The following TMEM236 variants were observed in gnomAD, a reference collection of about 807,000 sequenced individuals.
The protein encoded by TMEM236 is family with sequence similarity 23, member A.
TMEM236 carries 11 observed loss-of-function variants against 14.7 expected under a neutral mutation model. That is an observed-to-expected ratio of 0.75 (90% CI 0.47 to 1.24). The LOEUF (loss-of-function observed/expected upper bound fraction) is 1.24, where lower values mean the gene tolerates loss of function less well. Ranked by LOEUF, TMEM236 falls within the 50% of genes most tolerant of loss-of-function variation. TMEM236 has a pLI of 0.00. For missense variants in TMEM236, 464 were observed against 427.3 expected (o/e 1.09, Z -0.76); for synonymous variants, 182 against 168.6 (o/e 1.08, Z -0.62).
intron 3 of TMEM236, among the ~76,000 whole-genome samples, chr10:17,781,144 C>G (rs1837740748): frequency 6.6e-6 from 1 of 152,188 alleles, no homozygotes; most frequent in Non-Finnish European, 1.5e-5. Context: ...CCAGCATTCA[C>G]CTGTACACGC....
chr10:17,776,812 C>T (rs1458866038), intron 3 of TMEM236, among the ~76,000 whole-genome samples: 2 of 152,182 alleles, frequency 1.3e-5, no homozygotes, highest in Non-Finnish European at 2.9e-5. Context: ...AGATGTGTCA[C>T]ATCTCCTCCA....
intron 3 of TMEM236, among the ~76,000 whole-genome samples, chr10:17,787,106 C>A (rs897331928): frequency 6.6e-6 from 1 of 152,182 alleles, no homozygotes; most frequent in Admixed American, 6.5e-5. Context: ...AGCATGAAAA[C>A]GGACTAATAC....
At chr10:17,785,288 A>G (rs1373469481) in intron 3 of TMEM236, among the ~76,000 whole-genome samples, 1 of 152,170 alleles carries the variant, frequency 6.6e-6, no homozygotes, top group Non-Finnish European at 1.5e-5. Context: ...AGCTCTACCT[A>G]GCGATCAACA....
Position 17,796,000 on chromosome 10 carries a change from A to G in TMEM236, c.552A>G (p.Glu184=). 1 of 1,613,946 alleles carries G rather than the reference A, an allele frequency of 6.2e-7. No individual in the cohort carries two copies. The highest frequency in any genetic ancestry group is 1.7e-5 in the Admixed American group (1 of 60,008). The stretch of plus-strand genomic sequence containing the variant: ...CGGAGCAAGTGAGGCAAAGTCCAGA[A>G]AACGCTGCATCTCCCCAGGCAACCA... ...TVTEQVRQSP[E]NAASPQATNS... is the part of the protein sequence containing the mutation. Residue 184 remains glutamate (E), a synonymous_variant, in exon 4 of 4, where the codon GAA becomes GAG. Transcript: ENST00000377495.
chr10:17,774,179 G>T (rs907644779), intron 2 of TMEM236, among the ~76,000 whole-genome samples: 1 of 151,968 alleles, frequency 6.6e-6, no homozygotes, highest in African/African-American at 2.4e-5. Context: ...TAAGTAGCTG[G>T]GACGACAGGC....
At chr10:17,759,122 GC>G (rs1337555217) in intron 1 of TMEM236, among the ~76,000 whole-genome samples, 1 of 152,166 alleles carries the variant, frequency 6.6e-6, no homozygotes, top group African/African-American at 2.4e-5. Flanking sequence ...AGGGATGCCT[GC>G]CAGAATTCAT....
intron 1 of TMEM236, among the ~76,000 whole-genome samples, chr10:17,764,134 T>G (rs2131744105): frequency 6.6e-6 from 1 of 152,284 alleles, no homozygotes; most frequent in Non-Finnish European, 1.5e-5. Context: ...GTAAAAAGTT[T>G]TATGTTTCTG....
chr10:17,759,662 G>C (rs1377595202), intron 1 of TMEM236, among the ~76,000 whole-genome samples: 1 of 152,028 alleles, frequency 6.6e-6, no homozygotes. Context: ...TAGTTGATTT[G>C]CGAATCTTGA....
At chr10:17,765,052 C>T (rs1044256799) in intron 1 of TMEM236, among the ~76,000 whole-genome samples, 8 of 151,918 alleles carry the variant, frequency 5.3e-5, no homozygotes, top group African/African-American at 1.9e-4. Flanking sequence ...GATCTCTGGA[C>T]CTTGTGATCT....
At chr10:17,782,054 C>T (rs1393491876) in intron 3 of TMEM236, among the ~76,000 whole-genome samples, 1 of 152,088 alleles carries the variant, frequency 6.6e-6, no homozygotes, top group Non-Finnish European at 1.5e-5. Flanking sequence ...CATGACTGCA[C>T]CACCTAGAGG....
intron 2 of TMEM236, among the ~76,000 whole-genome samples, chr10:17,773,744 T>C (rs1554835017): frequency 2.0e-5 from 3 of 152,230 alleles, no homozygotes; most frequent in Non-Finnish European, 4.4e-5. Context: ...CATCTTTTCA[T>C]CTTGCCCATT....
chr10:17,770,271 G>A (rs1447888396), intron 1 of TMEM236, among the ~76,000 whole-genome samples: 8 of 152,244 alleles, frequency 5.3e-5, no homozygotes, highest in Admixed American at 5.2e-4. Context: ...ATATATTAAC[G>A]AATCAAAGAG....
rs964054997 is a variant in TMEM236, at chr10:17,798,962, T to C, written c.*2458T>C. On this transcript the variant is annotated 3_prime_UTR_variant, in exon 4 of 4. Coordinates refer to ENST00000377495, the MANE Select transcript of TMEM236 (RefSeq NM_001098844.3). ...CCTGCTCACCCTCTGGGAATAATCA[T>C]TTCAACTTTGCATTTGTGAAAAATA... 87 of 314,954 alleles carry C rather than the reference T, an allele frequency of 2.8e-4. 2 individuals are homozygous for C. The highest frequency in any genetic ancestry group is 2.2e-3 in the Middle Eastern group (2 of 906). The allele number at this position is 314,954 out of a possible 1,614,324, so 19.5% of individuals were successfully genotyped here.
At position 17,752,551 on chromosome 10, in the gene TMEM236, T is replaced by C; in HGVS notation, c.256T>C (p.Trp86Arg). The stretch of plus-strand genomic sequence containing the variant: ...TTATATTTACAGAAAAATTAAAGGA[T>C]GGTAAGTAAAAGAATTTTCTTTTTT... ...KRYIYRKIKG[W>R]RPVLMMCVVL... Residue 86 changes from tryptophan (W) to arginine (R), a missense_variant and splice_region_variant, in exon 1 of 4, where the codon TGG (tryptophan) becomes CGG (arginine). Trp to Arg is a moderately radical substitution (Grantham distance 101). Coordinates refer to ENST00000377495, the MANE Select transcript of TMEM236 (RefSeq NM_001098844.3). 6.2e-7 allele frequency: 1 copy of C among 1,613,508 alleles called. No homozygotes were observed. The highest frequency in any genetic ancestry group is 8.5e-7 in the Non-Finnish European group (1 of 1,179,504).
chr10:17,798,892 C>G lies in TMEM236; in HGVS notation c.*2388C>G. The G allele has an allele frequency of 2.9e-6, 1 of 342,892 alleles. No individual in the cohort carries two copies. The highest frequency in any genetic ancestry group is 5.7e-6 in the Non-Finnish European group (1 of 174,352). The allele number at this position is 342,892 out of a possible 1,614,324, so 21.2% of individuals were successfully genotyped here. ...TACCAAGTCTCCAAGAAACAAGTAT[C>G]TCAATGCAGTTTTAGAAATTTCCTG... On this transcript the variant is annotated 3_prime_UTR_variant, in exon 4 of 4. Coordinates refer to ENST00000377495, the MANE Select transcript of TMEM236 (RefSeq NM_001098844.3).
chr10:17,778,412 C>A (rs1351041275), intron 3 of TMEM236, among the ~76,000 whole-genome samples: 10 of 152,136 alleles, frequency 6.6e-5, no homozygotes, highest in African/African-American at 2.4e-4. Context: ...AATTTTGAAT[C>A]CATGAGGTTT....
At chr10:17,783,639 G>C (rs934575912) in intron 3 of TMEM236, among the ~76,000 whole-genome samples, 1 of 152,240 alleles carries the variant, frequency 6.6e-6, no homozygotes, top group South Asian at 2.1e-4. Flanking sequence ...CTCACAGTCC[G>C]TGCAAGCTTT....
Position 17,778,749 on chromosome 10 carries a change from C to G in TMEM236, c.472+2579C>G, listed in dbSNP as rs782532621. 6.2e-4 allele frequency among the ~76,000 whole-genome samples: 95 copies of G among 152,238 alleles called. 1 individual carries two copies. Among genetic ancestry groups the G allele is most frequent in the African/African-American group, 2.2e-3 (93 of 41,530 alleles). On this transcript the variant is annotated intron_variant, in intron 3 of 3. Coordinates refer to ENST00000377495, the MANE Select transcript of TMEM236 (RefSeq NM_001098844.3). ...CAACGTTTTGATTTATGGACACTCT[C>G]ACAGCATCCTAACCATCTTCATTCC...
At position 17,752,282 on chromosome 10, in the gene TMEM236, TGCTTTTCCTCAGGATG is replaced by T. The variant is rs1837220606; in HGVS notation, c.-9_7del. On this transcript the variant is annotated start_lost and 5_prime_UTR_variant, in exon 1 of 4. Transcript: ENST00000377495. ...AGGGAGTCCCAGGTTCTTGGCAGCT[TGCTTTTCCTCAGGATG>T]GCTTCTGGAAGGCTCATTAAGTTCG... is the stretch of plus-strand genomic sequence containing the variant. 6.2e-7 allele frequency: 1 copy of T among 1,613,954 alleles called. No homozygotes were observed. Among genetic ancestry groups the T allele is most frequent in the Middle Eastern group, 1.7e-4 (1 of 6,056 alleles).
Sources: gnomAD v4.1 joint callset for allele counts (sites outside exome capture counted in the v4.1 genomes callset) on GRCh38, gnomAD v4.1.1 for gene constraint, MANE v1.5 for transcripts, NCBI Gene and HGNC (gene_info 2026-07-23, HGNC 2026-07-21) for gene names.